The following DAB1 variants were observed in gnomAD, a reference collection of about 807,000 sequenced individuals.
DAB1 encodes the protein DAB adaptor protein 1.
In DAB1, 15 loss-of-function variants were observed where a neutral mutation model predicts 64.6. The ratio of observed to expected loss-of-function variants is 0.23; its 90% CI spans 0.16 to 0.36. The LOEUF (loss-of-function observed/expected upper bound fraction) is 0.36. DAB1 is among the 10% of genes least tolerant of loss of function. The probability of loss-of-function intolerance (pLI) is 1.00; values close to 1 mark genes in which losing one functional copy is unlikely to be tolerated. For missense variants in DAB1, 596 were observed against 706.7 expected (o/e 0.84, Z 1.78); for synonymous variants, 235 against 251.9 (o/e 0.93, Z 0.64).
chr1:57,375,500 T>C (rs1405936309), intron 1 of DAB1, among the ~76,000 whole-genome samples: 2 of 152,174 alleles, frequency 1.3e-5, no homozygotes, highest in African/African-American at 4.8e-5. Flanking sequence ...GGAAGCTCTT[T>C]TACGTAGATT....
intron 7 of DAB1, among the ~76,000 whole-genome samples, chr1:57,475,396 TCAG>T (rs1370117368): frequency 6.6e-6 from 1 of 152,212 alleles, no homozygotes; most frequent in Non-Finnish European, 1.5e-5. Context: ...TTTTAAGGTT[TCAG>T]TGAGGTCATA....
At chr1:57,118,014 A>C (rs1656294319) in intron 4 of DAB1, among the ~76,000 whole-genome samples, 2 of 152,232 alleles carry the variant, frequency 1.3e-5, no homozygotes, top group South Asian at 4.1e-4. Context: ...GACACAGCCC[A>C]GTGACTTACT....
chr1:58,103,981 C>T (rs1372779184), intron 5 of DAB1, among the ~76,000 whole-genome samples: 1 of 152,224 alleles, frequency 6.6e-6, no homozygotes, highest in Non-Finnish European at 1.5e-5. Context: ...CCCAGGTCAG[C>T]AGTTCCCACC....
intron 6 of DAB1, among the ~76,000 whole-genome samples, chr1:57,805,959 A>C (rs1651341639): frequency 6.6e-6 from 1 of 151,980 alleles, no homozygotes; most frequent in African/African-American, 2.4e-5. Flanking sequence ...TTTTCCCTTA[A>C]CCTCTTTCAG....
intron 6 of DAB1, among the ~76,000 whole-genome samples, chr1:57,732,502 A>G (rs905232486): frequency 6.6e-6 from 1 of 152,202 alleles, no homozygotes; most frequent in African/African-American, 2.4e-5. Context: ...ACTCTTGATT[A>G]TCAGAAGGAA....
At chr1:58,037,900 G>GT (rs918216433) in intron 5 of DAB1, among the ~76,000 whole-genome samples, 7 of 152,088 alleles carry the variant, frequency 4.6e-5, no homozygotes, top group Admixed American at 3.3e-4. Flanking sequence ...ACTTGGGATG[G>GT]TTTTTAAGCT....
At chr1:58,514,418 C>T (rs1295035540) in intron 2 of DAB1, among the ~76,000 whole-genome samples, 1 of 152,152 alleles carries the variant, frequency 6.6e-6, no homozygotes, top group Non-Finnish European at 1.5e-5. Flanking sequence ...CTGTAGCCAA[C>T]GTTTTCATTA....
At chr1:57,672,759 C>T (rs1047444416) in intron 6 of DAB1, among the ~76,000 whole-genome samples, 3 of 152,096 alleles carry the variant, frequency 2.0e-5, no homozygotes, top group Non-Finnish European at 4.4e-5. Flanking sequence ...TAAGCTTACC[C>T]TTAATATAGC....
chr1:57,523,148 T>C (rs551157665), intron 7 of DAB1, among the ~76,000 whole-genome samples: 2 of 152,308 alleles, frequency 1.3e-5, no homozygotes, highest in African/African-American at 4.8e-5. Flanking sequence ...CTATTAGTCC[T>C]GTCCCTCTAG....
intron 2 of DAB1, among the ~76,000 whole-genome samples, chr1:58,518,488 A>C (rs1445274300): frequency 6.6e-6 from 1 of 151,894 alleles, no homozygotes; most frequent in Non-Finnish European, 1.5e-5. Context: ...GAGTCAATGA[A>C]AGCTATCATG....
intron 1 of DAB1, among the ~76,000 whole-genome samples, chr1:57,414,228 A>G (rs1446974562): frequency 6.6e-6 from 1 of 152,216 alleles, no homozygotes; most frequent in African/African-American, 2.4e-5. Context: ...TCTTTCATGA[A>G]AGGAAGAGTC....
At chr1:58,320,071 A>C (rs920573253) in intron 4 of DAB1, among the ~76,000 whole-genome samples, 1 of 152,224 alleles carries the variant, frequency 6.6e-6, no homozygotes, top group African/African-American at 2.4e-5. Context: ...ACACCATCCT[A>C]GGTATGCTAT....
intron 1 of DAB1, among the ~76,000 whole-genome samples, chr1:57,326,582 G>A (rs1676174160): frequency 6.6e-6 from 1 of 152,144 alleles, no homozygotes; most frequent in African/African-American, 2.4e-5. Flanking sequence ...CCATAGACTG[G>A]GTGGCTTAAA....
chr1:58,252,351 A>G (rs957958917), intron 4 of DAB1, among the ~76,000 whole-genome samples: 1 of 152,196 alleles, frequency 6.6e-6, no homozygotes, highest in African/African-American at 2.4e-5. Flanking sequence ...TTCGAGCAGG[A>G]AAGATTTTCA....
chr1:57,432,132 A>T (rs1685540584), intron 7 of DAB1, among the ~76,000 whole-genome samples: 1 of 151,982 alleles, frequency 6.6e-6, no homozygotes, highest in East Asian at 1.9e-4. Flanking sequence ...AAAAAAAAAA[A>T]GAATGAATTT....
chr1:58,086,439 C>T (rs1650321899), intron 5 of DAB1, among the ~76,000 whole-genome samples: 1 of 152,144 alleles, frequency 6.6e-6, no homozygotes. Context: ...TGAGATTTTC[C>T]AAGCTCATAC....
chr1:58,485,040 G>C (rs1645550611), intron 3 of DAB1, among the ~76,000 whole-genome samples: 1 of 151,838 alleles, frequency 6.6e-6, no homozygotes, highest in South Asian at 2.1e-4. Context: ...AACCCTAATG[G>C]ACTTTGGGTG....
chr1:58,276,639 G>A (rs890692297), intron 4 of DAB1, among the ~76,000 whole-genome samples: 4 of 152,158 alleles, frequency 2.6e-5, no homozygotes, highest in Admixed American at 6.5e-5. Context: ...ACCCTATTAA[G>A]GAGCCTGGAC....
At chr1:58,392,687 C>T (rs534612090) in intron 3 of DAB1, among the ~76,000 whole-genome samples, 5 of 152,236 alleles carry the variant, frequency 3.3e-5, no homozygotes, top group Non-Finnish European at 5.9e-5. Context: ...GAAACATGAG[C>T]TATATGCTTG....
Sources: gnomAD v4.1 joint callset for allele counts (sites outside exome capture counted in the v4.1 genomes callset) on GRCh38, gnomAD v4.1.1 for gene constraint, MANE v1.5 for transcripts, NCBI Gene and HGNC (gene_info 2026-07-23, HGNC 2026-07-21) for gene names.